Variants in PLEKHA5 observed in about 807,000 individuals in gnomAD.
PLEKHA5 encodes pleckstrin homology domain containing A5.
A neutral mutation model predicts 181.9 loss-of-function variants in PLEKHA5; 55 were observed. That is an observed-to-expected ratio of 0.30 (90% CI 0.24 to 0.38). PLEKHA5 has a LOEUF of 0.38. Ranked by LOEUF, PLEKHA5 falls within the 10% of genes least tolerant of loss-of-function variation. The pLI, the probability that PLEKHA5 is intolerant of heterozygous loss-of-function variation, is 1.00. For missense variants in PLEKHA5, 1,432 were observed against 1,549.5 expected (o/e 0.92, Z 1.27); for synonymous variants, 535 against 529.4 (o/e 1.01, Z -0.15).
intron 3 of PLEKHA5, among the ~76,000 whole-genome samples, chr12:19,159,759 G>C (rs758294778): frequency 6.6e-6 from 1 of 151,974 alleles, no homozygotes; most frequent in African/African-American, 2.4e-5. Flanking sequence ...GTCAGGTATA[G>C]GTAAATAAAA....
At chr12:19,168,160 C>T (rs555465287) in intron 3 of PLEKHA5, among the ~76,000 whole-genome samples, 1 of 152,192 alleles carries the variant, frequency 6.6e-6, no homozygotes, top group South Asian at 2.1e-4. Context: ...TAGAGATAAA[C>T]TTCAGCTTGG....
Position 19,369,678 on chromosome 12 carries a change from C to G in PLEKHA5, c.3755-15C>G, listed in dbSNP as rs201143888. The G allele has an allele frequency of 9.5e-5, 147 of 1,540,406 alleles. No homozygotes were observed. Among genetic ancestry groups the G allele is most frequent in the Non-Finnish European group, 1.2e-4 (140 of 1,122,934 alleles). ...AAAGATTTTTATCTTCTCCCATTTTCTTTGTGTGTTTTAGTGAAAAGTCTG... is the reference window on the plus strand; with the variant it reads ...AAAGATTTTTATCTTCTCCCATTTTGTTTGTGTGTTTTAGTGAAAAGTCTG... On this transcript the variant is annotated splice_polypyrimidine_tract_variant and intron_variant, in intron 30 of 31. Transcript: ENST00000429027.
At chr12:19,238,159 T>C (rs2061719963) in intron 3 of PLEKHA5, among the ~76,000 whole-genome samples, 1 of 152,098 alleles carries the variant, frequency 6.6e-6, no homozygotes, top group African/African-American at 2.4e-5. Context: ...TTTGCTACTC[T>C]AGTTTTCAAG....
At chr12:19,344,337 A>G (rs1007800879) in intron 22 of PLEKHA5, among the ~76,000 whole-genome samples, 1 of 152,206 alleles carries the variant, frequency 6.6e-6, no homozygotes, top group Non-Finnish European at 1.5e-5. Flanking sequence ...AATATCCACA[A>G]TGTTTACACT....
At chr12:19,171,339 C>G (rs748177283) in intron 3 of PLEKHA5, among the ~76,000 whole-genome samples, 1 of 152,046 alleles carries the variant, frequency 6.6e-6, no homozygotes, top group Non-Finnish European at 1.5e-5. Context: ...TTTAATGTTT[C>G]TTTTAATATA....
intron 10 of PLEKHA5, among the ~76,000 whole-genome samples, chr12:19,272,616 A>T (rs908725891): frequency 6.6e-6 from 1 of 151,988 alleles, no homozygotes; most frequent in Non-Finnish European, 1.5e-5. Context: ...GTGTACCTAT[A>T]GTCCCGGCTG....
chr12:19,188,180 G>A (rs1241286681), intron 3 of PLEKHA5, among the ~76,000 whole-genome samples: 1 of 152,110 alleles, frequency 6.6e-6, no homozygotes, highest in African/African-American at 2.4e-5. Flanking sequence ...GTCAAGAGCA[G>A]GTACAAATAG....
At chr12:19,351,092 C>A (rs182943430) in intron 25 of PLEKHA5, among the ~76,000 whole-genome samples, 9 of 151,996 alleles carry the variant, frequency 5.9e-5, no homozygotes, top group Non-Finnish European at 1.0e-4. Flanking sequence ...TGTGCCACCA[C>A]ACCTGGCTAA....
chr12:19,284,077 G>A (rs535001321), intron 12 of PLEKHA5, among the ~76,000 whole-genome samples: 1 of 151,930 alleles, frequency 6.6e-6, no homozygotes, highest in African/African-American at 2.4e-5. Flanking sequence ...TGTTGTTGTT[G>A]TTTTGTTTTG....
chr12:19,183,667 A>C (rs894640196), intron 3 of PLEKHA5, among the ~76,000 whole-genome samples: 4 of 152,142 alleles, frequency 2.6e-5, no homozygotes, highest in African/African-American at 9.7e-5. Flanking sequence ...TTCAAGGAAC[A>C]GCAGCTGGAT....
intron 13 of PLEKHA5, among the ~76,000 whole-genome samples, chr12:19,289,818 A>G (rs375208759): frequency 1.3e-5 from 2 of 152,162 alleles, no homozygotes; most frequent in Non-Finnish European, 2.9e-5. Context: ...AAAAAATGCT[A>G]TATGAAAGCA....
At chr12:19,211,972 G>A (rs1204947690) in intron 3 of PLEKHA5, among the ~76,000 whole-genome samples, 3 of 152,152 alleles carry the variant, frequency 2.0e-5, no homozygotes, top group African/African-American at 7.2e-5. Context: ...AAACAACTTG[G>A]TTTTGGCTTG....
chr12:19,188,296 T>C (rs2050304904), intron 3 of PLEKHA5, among the ~76,000 whole-genome samples: 1 of 152,214 alleles, frequency 6.6e-6, no homozygotes, highest in Non-Finnish European at 1.5e-5. Context: ...CAATCCTCTC[T>C]GCTCCTACCT....
intron 3 of PLEKHA5, among the ~76,000 whole-genome samples, chr12:19,230,804 C>T (rs2060422624): frequency 6.6e-6 from 1 of 152,166 alleles, no homozygotes; most frequent in Admixed American, 6.5e-5. Context: ...GGGGCTCCCA[C>T]AGTGCAGTGG....
At chr12:19,163,744 C>G (rs1018018381) in intron 3 of PLEKHA5, among the ~76,000 whole-genome samples, 19 of 152,244 alleles carry the variant, frequency 1.2e-4, no homozygotes, top group African/African-American at 4.6e-4. Flanking sequence ...GGGACCATTA[C>G]AAATTTCTAA....
intron 12 of PLEKHA5, among the ~76,000 whole-genome samples, chr12:19,285,751 A>G (rs1171042716): frequency 6.6e-6 from 1 of 152,212 alleles, no homozygotes; most frequent in African/African-American, 2.4e-5. Flanking sequence ...CATTCATGAA[A>G]CAGTAGAAAA....
At chr12:19,343,582 TA>T (rs2094104078) in intron 22 of PLEKHA5, 148 bp downstream of exon 22, 2 of 640,604 alleles carry the variant, frequency 3.1e-6, no homozygotes, top group Non-Finnish European at 5.7e-6. Flanking sequence ...TTGTATGGCC[TA>T]CTACACACCT....
intron 3 of PLEKHA5, among the ~76,000 whole-genome samples, chr12:19,170,609 G>A (rs1048027246): frequency 2.0e-5 from 3 of 152,102 alleles, no homozygotes; most frequent in Non-Finnish European, 2.9e-5. Context: ...TAGTAGAGAC[G>A]AGGTTTCACC....
chr12:19,366,472 G>A (rs1178692405), intron 30 of PLEKHA5, among the ~76,000 whole-genome samples: 1 of 152,124 alleles, frequency 6.6e-6, no homozygotes, highest in African/African-American at 2.4e-5. Flanking sequence ...GGCCAAGATA[G>A]TGAAACCCCG....
Sources: gnomAD v4.1 joint callset for allele counts (sites outside exome capture counted in the v4.1 genomes callset) on GRCh38, gnomAD v4.1.1 for gene constraint, MANE v1.5 for transcripts, NCBI Gene and HGNC (gene_info 2026-07-23, HGNC 2026-07-21) for gene names.